Variants in KCNH5 observed in about 807,000 individuals in gnomAD.
KCNH5 encodes the protein potassium voltage-gated channel subfamily H member 5.
In KCNH5, 46 loss-of-function variants were observed where a neutral mutation model predicts 96.1. The ratio of observed to expected loss-of-function variants is 0.48; its 90% confidence interval spans 0.38 to 0.61. The LOEUF (loss-of-function observed/expected upper bound fraction) is 0.61. KCNH5 is among the 20% of genes least tolerant of loss of function. The pLI is 0.00. For missense variants in KCNH5, 907 were observed against 1,225.8 expected, an observed-to-expected ratio of 0.74 and a Z score of 3.88; for synonymous variants, 439 against 449.8, an observed-to-expected ratio of 0.98 and a Z score of 0.30.
At chr14:63,021,119 T>C (rs1259849977) in intron 1 of KCNH5, among the ~76,000 whole-genome samples, 1 of 152,146 alleles carries the variant, frequency 6.6e-6, no homozygotes, top group Non-Finnish European at 1.5e-5. Context: ...GTCCACTTCA[T>C]GACTAGATAA....
chr14:62,773,280 C>G (rs1886028479), intron 10 of KCNH5, among the ~76,000 whole-genome samples: 1 of 152,206 alleles, frequency 6.6e-6, no homozygotes, highest in Non-Finnish European at 1.5e-5. Flanking sequence ...TGGTGATATA[C>G]AAGACGCATC....
chr14:62,824,603 T>C (rs1887182235), intron 8 of KCNH5, among the ~76,000 whole-genome samples: 1 of 152,142 alleles, frequency 6.6e-6, no homozygotes. Context: ...TTATTTTTTA[T>C]GATTATTACT....
chr14:62,819,018 G>A (rs1301148371), intron 8 of KCNH5, among the ~76,000 whole-genome samples: 1 of 152,150 alleles, frequency 6.6e-6, no homozygotes, highest in African/African-American at 2.4e-5. Context: ...CCAGGCTGGA[G>A]TGCAGTGGCA....
At chr14:62,928,565 G>A (rs987333787) in intron 7 of KCNH5, among the ~76,000 whole-genome samples, 7 of 151,948 alleles carry the variant, frequency 4.6e-5, no homozygotes, top group South Asian at 4.2e-4. Context: ...TTACCGATGC[G>A]GTAACTGAGG....
chr14:62,786,237 CA>C (rs1886318901), intron 9 of KCNH5, among the ~76,000 whole-genome samples: 1 of 152,052 alleles, frequency 6.6e-6, no homozygotes, highest in African/African-American at 2.4e-5. Context: ...AGGTATTCAT[CA>C]GTGAGAACTG....
chr14:62,872,747 T>C (rs978871582), intron 7 of KCNH5, among the ~76,000 whole-genome samples: 1 of 152,074 alleles, frequency 6.6e-6, no homozygotes, highest in Non-Finnish European at 1.5e-5. Context: ...ACTGAATGAA[T>C]AGAAATTTGT....
intron 6 of KCNH5, among the ~76,000 whole-genome samples, chr14:62,971,690 G>A (rs146579431): frequency 2.6e-5 from 4 of 151,932 alleles, no homozygotes; most frequent in African/African-American, 9.6e-5. Context: ...AGTGAATCCA[G>A]GAATAGACCC....
Position 63,007,458 on chromosome 14 carries a change from C to T in KCNH5, c.198-986G>A, listed in dbSNP as rs545587741. Among the ~76,000 whole-genome samples, 3 of 152,224 alleles carry T rather than the reference C, an allele frequency of 2.0e-5. No individual in the cohort carries two copies. The East Asian group carries it at 5.8e-4, about 29-fold the overall frequency. ...TTAAGAAGAAATAAAACACTTCCTC[C>T]ATTCTCAACGTTTCTAATGTTCAAA... is the stretch of plus-strand genomic sequence containing the variant. On this transcript the variant is annotated intron_variant, in intron 2 of 10. Coordinates refer to ENST00000322893, the MANE Select transcript of KCNH5 (RefSeq NM_139318.5).
At chr14:62,988,478 G>T (rs1890750830) in intron 4 of KCNH5, among the ~76,000 whole-genome samples, 1 of 152,092 alleles carries the variant, frequency 6.6e-6, no homozygotes, top group South Asian at 2.1e-4. Context: ...TATTCTTCAG[G>T]CTGATTCTAA....
rs559624625 is a variant in KCNH5 at position 62,748,649 on chromosome 14, T to A, written c.2019+31079A>T. ...GTAACTTCTTCAGGCTGAATAGGGG[T>A]GATGATATTCCTGCCTAACTATGGT... On this transcript the variant is annotated intron_variant, in intron 10 of 10. Transcript: ENST00000322893. 5.9e-5 allele frequency among the ~76,000 whole-genome samples: 9 copies of A among 152,082 alleles called. 1 individual carries two copies. The South Asian group carries it at 1.9e-3, about 32-fold the overall frequency.
At chr14:62,857,915 T>A (rs531192818) in intron 7 of KCNH5, among the ~76,000 whole-genome samples, 6 of 152,138 alleles carry the variant, frequency 3.9e-5, no homozygotes, top group Non-Finnish European at 7.3e-5. Context: ...CCTGAGATCA[T>A]AATCTTCAAA....
At chr14:63,014,908 T>C (rs1366642867) in intron 2 of KCNH5, among the ~76,000 whole-genome samples, 2 of 152,074 alleles carry the variant, frequency 1.3e-5, no homozygotes, top group Non-Finnish European at 2.9e-5. Context: ...ATGGACCTGT[T>C]CCACAGGATA....
intron 7 of KCNH5, among the ~76,000 whole-genome samples, chr14:62,903,964 T>C (rs774930042): frequency 1.3e-5 from 2 of 152,102 alleles, no homozygotes; most frequent in Admixed American, 6.5e-5. Context: ...TTTTCTTAAA[T>C]GAAAAATATC....
At chr14:62,918,954 GTTC>G (rs1889328835) in intron 7 of KCNH5, among the ~76,000 whole-genome samples, 1 of 151,898 alleles carries the variant, frequency 6.6e-6, no homozygotes, top group South Asian at 2.1e-4. Context: ...TAATTTAAAT[GTTC>G]TTCAATATAG....
chr14:62,891,770 T>G (rs1275691082), intron 7 of KCNH5, among the ~76,000 whole-genome samples: 1 of 152,220 alleles, frequency 6.6e-6, no homozygotes, highest in African/African-American at 2.4e-5. Flanking sequence ...TCACAATATT[T>G]CAAATGTTTT....
chr14:62,732,572 G>A (rs1242152732), intron 10 of KCNH5, among the ~76,000 whole-genome samples: 2 of 151,264 alleles, frequency 1.3e-5, no homozygotes, highest in Non-Finnish European at 1.5e-5. Flanking sequence ...TTCTCTATCC[G>A]AAATGATTTT....
intron 6 of KCNH5, among the ~76,000 whole-genome samples, chr14:62,976,546 T>C (rs1890503929): frequency 2.0e-5 from 3 of 152,108 alleles, no homozygotes; most frequent in Admixed American, 6.5e-5. Context: ...ACAGTAGTCA[T>C]GCTTTTCCAG....
At chr14:62,775,997 G>A (rs115808140) in intron 10 of KCNH5, among the ~76,000 whole-genome samples, 1,880 of 152,190 alleles carry the variant, frequency 0.012, 35 homozygotes, top group African/African-American at 0.042. Flanking sequence ...GGGCCAGCGC[G>A]GTGGCTCACA....
intron 4 of KCNH5, among the ~76,000 whole-genome samples, chr14:62,989,833 T>G (rs1890777063): frequency 6.6e-6 from 1 of 152,094 alleles, no homozygotes; most frequent in South Asian, 2.1e-4. Context: ...TATCATTGGT[T>G]TTTGGTTTGG....
Sources: gnomAD v4.1 joint callset for allele counts (sites outside exome capture counted in the v4.1 genomes callset) on GRCh38, gnomAD v4.1.1 for gene constraint, MANE v1.5 for transcripts, NCBI Gene and HGNC (gene_info 2026-07-23, HGNC 2026-07-21) for gene names.